Variants in TNFSF11 observed in about 807,000 individuals in gnomAD.
The protein encoded by TNFSF11 is tumor necrosis factor ligand superfamily member 11.
In TNFSF11, 12 loss-of-function variants were observed where a neutral mutation model predicts 32.2. That is an observed-to-expected ratio of 0.37 (90% confidence interval 0.24 to 0.60). TNFSF11 has a LOEUF of 0.60. Ranked by LOEUF, TNFSF11 falls within the 20% of genes least tolerant of loss-of-function variation. The pLI is 0.66. For synonymous variants in TNFSF11, 172 were observed against 152.1 expected (o/e 1.13, Z -0.96); for missense variants, 345 against 398.0 (o/e 0.87, Z 1.13).
At chr13:42,596,609 G>A (rs1449135796) in intron 2 of TNFSF11, among the ~76,000 whole-genome samples, 2 of 152,184 alleles carry the variant, frequency 1.3e-5, no homozygotes, top group Non-Finnish European at 2.9e-5. Context: ...GAAAAATGAG[G>A]TTAGTAGTAG....
At chr13:42,583,168 T>G (rs1873700318) in intron 2 of TNFSF11, among the ~76,000 whole-genome samples, 1 of 151,954 alleles carries the variant, frequency 6.6e-6, no homozygotes, top group Admixed American at 6.5e-5. Context: ...CCCAGCACTT[T>G]GGGAGGCCGA....
chr13:42,564,784 A>T (rs746890619), intron 1 of TNFSF11, among the ~76,000 whole-genome samples: 3 of 152,226 alleles, frequency 2.0e-5, no homozygotes, highest in Non-Finnish European at 4.4e-5. Flanking sequence ...TCAGAAACTG[A>T]GCTGGATTGC....
chr13:42,604,387 A>T (rs1869339923), intron 4 of TNFSF11, among the ~76,000 whole-genome samples: 1 of 152,226 alleles, frequency 6.6e-6, no homozygotes, highest in Non-Finnish European at 1.5e-5. Context: ...AAGACCTCCG[A>T]TGAAAAAGAA....
chr13:42,574,577 C>G (rs1232866100), intron 1 of TNFSF11, 55 bp downstream of exon 1: 1 of 1,573,122 alleles, frequency 6.4e-7, no homozygotes, highest in East Asian at 2.3e-5. Flanking sequence ...CTCCTTCCCC[C>G]GCACTTGGAA....
Position 42,577,607 on chromosome 13 carries a change from A to G in TNFSF11, c.219+3085A>G, listed in dbSNP as rs113110928. On this transcript the variant is annotated intron_variant, in intron 1 of 4. Transcript: ENST00000398795. ...ATTCAAAGCTTAGGGTTTAGCTATA[A>G]AGATAAACTTTTCAGAAAACTGAAG... Among the ~76,000 whole-genome samples the G allele has an allele frequency of 7.2e-5, 11 of 152,316 alleles. 1 individual carries two copies. The highest frequency in any genetic ancestry group is 2.1e-4 in the South Asian group (1 of 4,826).
rs183564983 is a variant in TNFSF11 at position 42,593,021 on chromosome 13, A to T, written c.388-7731A>T. On this transcript the variant is annotated intron_variant, in intron 2 of 4. Coordinates refer to ENST00000398795, the MANE Select transcript of TNFSF11 (RefSeq NM_003701.4). ...CCAGTCTTGGCCAGTTCTTTATAGC[A>T]GTGTGAAAACAGACTAATACAGGCT... Among the ~76,000 whole-genome samples the T allele has an allele frequency of 3.8e-3, 578 of 152,274 alleles. 1 individual carries two copies. Among genetic ancestry groups the T allele is most frequent in the Non-Finnish European group, 6.4e-3 (435 of 68,028 alleles).
In TNFSF11 at chr13:42,606,564, T is replaced by A. The variant is rs375429461; in HGVS notation, c.600T>A (p.Thr200=). 7.4e-6 allele frequency: 12 copies of A among 1,614,094 alleles called. No homozygotes were observed. In the African/African-American group the frequency reaches 1.6e-4, roughly 22 times the overall value. Residue 200 remains threonine (T), a synonymous_variant, in exon 5 of 5, where the codon ACT becomes ACA. Transcript: ENST00000398795. ...GTTGGGCCAAGATCTCCAACATGAC[T>A]TTTAGCAATGGAAAACTAATAGTTA... ...DRGWAKISNM[T]FSNGKLIVNQ...
intron 1 of TNFSF11, among the ~76,000 whole-genome samples, chr13:42,577,415 T>C (rs1413598634): frequency 2.0e-5 from 3 of 152,208 alleles, no homozygotes; most frequent in African/African-American, 7.2e-5. Flanking sequence ...AGCTTGGCTT[T>C]TCCCCCACCA....
intron 1 of TNFSF11, among the ~76,000 whole-genome samples, chr13:42,564,032 T>G (rs1043496640): frequency 3.9e-5 from 6 of 152,196 alleles, no homozygotes; most frequent in African/African-American, 1.4e-4. Context: ...CTAAATATTG[T>G]TCCTCTATTT....
At chr13:42,579,704 CTTTTTTTTTTTTTT>C (rs59375842) in intron 1 of TNFSF11, among the ~76,000 whole-genome samples, 1 of 65,492 alleles carries the variant, frequency 1.5e-5, no homozygotes, top group Admixed American at 2.3e-4. Flanking sequence ...TAAGTAAGCC[CTTTTTTTTTTTTTT>C]TTTTTTTTTT....
At chr13:42,589,701 C>T (rs766265656) in intron 2 of TNFSF11, among the ~76,000 whole-genome samples, 3 of 152,178 alleles carry the variant, frequency 2.0e-5, no homozygotes, top group Admixed American at 6.5e-5. Flanking sequence ...CATACCCTTT[C>T]GCCTCTCTGC....
At chr13:42,600,670 G>C in intron 2 of TNFSF11, 82 bp from the exon 3 acceptor site, 1 of 1,403,124 alleles carries the variant, frequency 7.1e-7, no homozygotes, top group African/African-American at 1.4e-5. Flanking sequence ...TTAATTTGTT[G>C]CATATGTAAC....
chr13:42,577,697 T>G (rs1158413911), intron 1 of TNFSF11, among the ~76,000 whole-genome samples: 1 of 152,150 alleles, frequency 6.6e-6, no homozygotes, highest in Non-Finnish European at 1.5e-5. Flanking sequence ...TCCCTGGTTG[T>G]TTGTTACCCA....
At chr13:42,577,897 A>G (rs769232162) in intron 1 of TNFSF11, among the ~76,000 whole-genome samples, 1 of 152,248 alleles carries the variant, frequency 6.6e-6, no homozygotes, top group Non-Finnish European at 1.5e-5. Context: ...GCATTTTAAC[A>G]GTCCATTTTA....
chr13:42,602,075 C>G (rs2137907646), intron 4 of TNFSF11, among the ~76,000 whole-genome samples: 1 of 152,308 alleles, frequency 6.6e-6, no homozygotes, highest in South Asian at 2.1e-4. Context: ...TTATGTTTCT[C>G]TTTTCCTGTG....
chr13:42,573,188 T>A (rs1275113117), upstream of TNFSF11, among the ~76,000 whole-genome samples: 7 of 151,918 alleles, frequency 4.6e-5, no homozygotes, highest in African/African-American at 1.5e-4. Context: ...ATATTTTTGA[T>A]CTGTGGTTCA....
chr13:42,575,853 T>C (rs1227498593), intron 1 of TNFSF11, among the ~76,000 whole-genome samples: 1 of 152,248 alleles, frequency 6.6e-6, no homozygotes, highest in Non-Finnish European at 1.5e-5. Context: ...CTAAACGTCT[T>C]TCTTTCATTG....
upstream of TNFSF11, among the ~76,000 whole-genome samples, chr13:42,572,131 G>A (rs140103500): frequency 8.6e-3 from 1,310 of 152,324 alleles, 20 homozygotes; most frequent in African/African-American, 0.028. Flanking sequence ...ATGGAAGCCA[G>A]AAGATAGTGG....
chr13:42,606,541 TG>T lies in TNFSF11; in HGVS notation c.580del (p.Ala194ProfsTer6). The T allele has an allele frequency of 6.2e-7, 1 of 1,614,216 alleles. No individual in the cohort carries two copies. Among genetic ancestry groups the T allele is most frequent in the Non-Finnish European group, 8.5e-7 (1 of 1,180,046 alleles). ...SLSSWYHDRG[W>X]AKISNMTFSN... Reference sequence around the variant, plus strand: ...GTCCTCTTGGTACCATGATCGGGGTTGGGCCAAGATCTCCAACATGACTTTT... The same window carrying T: ...GTCCTCTTGGTACCATGATCGGGGTTGGCCAAGATCTCCAACATGACTTTT... On this transcript the variant is annotated frameshift_variant, in exon 5 of 5. Transcript: ENST00000398795. LOFTEE classifies it high-confidence loss of function.
Sources: gnomAD v4.1 joint callset for allele counts (sites outside exome capture counted in the v4.1 genomes callset) on GRCh38, gnomAD v4.1.1 for gene constraint, MANE v1.5 for transcripts, NCBI Gene and HGNC (gene_info 2026-07-23, HGNC 2026-07-21) for gene names.